ARHGEF7: variants seen among roughly 807,000 people sequenced by gnomAD.
ARHGEF7 encodes the protein PAK-interacting exchange factor beta.
A neutral mutation model predicts 109.8 loss-of-function variants in ARHGEF7; 33 were observed. The observed-to-expected ratio is 0.30, with a 90% CI of 0.23 to 0.40. The LOEUF (loss-of-function observed/expected upper bound fraction) is 0.40, where lower values mean the gene tolerates loss of function less well. Ranked by LOEUF, ARHGEF7 falls within the 10% of genes least tolerant of loss-of-function variation. The pLI is 1.00. For missense variants in ARHGEF7, 938 were observed against 1,098.5 expected, an observed-to-expected ratio of 0.85 and a Z score of 2.07; for synonymous variants, 458 against 424.6, an observed-to-expected ratio of 1.08 and a Z score of -0.97.
At chr13:111,178,728 T>G (rs1011968296) in intron 2 of ARHGEF7, among the ~76,000 whole-genome samples, 5 of 152,208 alleles carry the variant, frequency 3.3e-5, no homozygotes, top group African/African-American at 1.2e-4. Context: ...AGCCACACTT[T>G]TCTCTAACTG....
chr13:111,221,752 C>T (rs893931410), intron 5 of ARHGEF7, among the ~76,000 whole-genome samples: 5 of 150,310 alleles, frequency 3.3e-5, no homozygotes, highest in African/African-American at 9.8e-5. Context: ...ATTATTAGTT[C>T]TGTCCCTCTA....
chr13:111,287,790 A>AC (rs766158169), intron 17 of ARHGEF7, among the ~76,000 whole-genome samples: 1 of 152,204 alleles, frequency 6.6e-6, no homozygotes, highest in African/African-American at 2.4e-5. Context: ...GTAGCACAGC[A>AC]CCCTGAGCAG....
rs529765576 is a variant in ARHGEF7, at chr13:111,149,120, C to A, written c.166-4785C>A. Reference sequence around the variant, plus strand: ...AGCCCTATACATTTCATTAAAAAAACCATTTCTGTCCGGGTGCGATGGCTC... The same window carrying A: ...AGCCCTATACATTTCATTAAAAAAAACATTTCTGTCCGGGTGCGATGGCTC... On this transcript the variant is annotated intron_variant, in intron 1 of 21. Transcript: ENST00000646102. 1.8e-4 allele frequency among the ~76,000 whole-genome samples: 28 copies of A among 151,906 alleles called. No homozygotes were observed. The South Asian group carries it at 4.4e-3, about 24-fold the overall frequency.
At chr13:111,180,550 C>T (rs939387351) in intron 2 of ARHGEF7, among the ~76,000 whole-genome samples, 1 of 152,186 alleles carries the variant, frequency 6.6e-6, no homozygotes, top group Admixed American at 6.5e-5. Flanking sequence ...GTACCAGAAG[C>T]CCCAGAAGGC....
intron 8 of ARHGEF7, among the ~76,000 whole-genome samples, chr13:111,245,845 C>CA (rs1342651214): frequency 6.6e-6 from 1 of 152,042 alleles, no homozygotes; most frequent in Non-Finnish European, 1.5e-5. Flanking sequence ...AAGTCGTTAG[C>CA]AAAAAAACCA....
chr13:111,173,870 GT>G (rs2077839887), intron 2 of ARHGEF7, among the ~76,000 whole-genome samples: 1 of 152,300 alleles, frequency 6.6e-6, no homozygotes, highest in African/African-American at 2.4e-5. Flanking sequence ...GTGTCATTCA[GT>G]TTTATCAGGC....
chr13:111,224,920 A>G (rs1380488405), intron 5 of ARHGEF7, among the ~76,000 whole-genome samples: 1 of 152,170 alleles, frequency 6.6e-6, no homozygotes, highest in Non-Finnish European at 1.5e-5. Flanking sequence ...TCTCAGCACT[A>G]TTGTTTCAAG....
intron 6 of ARHGEF7, among the ~76,000 whole-genome samples, chr13:111,235,163 T>G (rs1234488527): frequency 6.6e-6 from 1 of 152,216 alleles, no homozygotes; most frequent in Non-Finnish European, 1.5e-5. Flanking sequence ...TGTGTTACCT[T>G]CTGTTATGGT....
chr13:111,143,449 G>T (rs2075442874), intron 1 of ARHGEF7: 1 of 152,224 alleles, frequency 6.6e-6, no homozygotes, highest in Non-Finnish European at 1.5e-5. Flanking sequence ...AGTGGGAGAG[G>T]GAACATGCCA....
At chr13:111,245,245 CCAGA>C in intron 8 of ARHGEF7, among the ~76,000 whole-genome samples, 1 of 152,092 alleles carries the variant, frequency 6.6e-6, no homozygotes, top group Non-Finnish European at 1.5e-5. Context: ...GCACAGACCA[CCAGA>C]CAGTGACCAG....
intron 17 of ARHGEF7, among the ~76,000 whole-genome samples, chr13:111,286,542 C>T (rs2296352): frequency 0.84 from 127,320 of 152,080 alleles, 53,851 homozygotes; most frequent in East Asian, 0.91. Context: ...TTCTCCCTCT[C>T]GCCTATAAGA....
chr13:111,123,864 C>CCCA lies in ARHGEF7; in HGVS notation c.165+8175_165+8176insACC, dbSNP rs1555339508. 3.1e-4 allele frequency among the ~76,000 whole-genome samples: 10 copies of CCCA among 32,776 alleles called. 1 individual carries two copies. The highest frequency in any genetic ancestry group is 5.1e-4 in the Non-Finnish European group (7 of 13,672). 21.5% of individuals were successfully genotyped at this position (32,776 alleles called of 152,430 possible). ...GCCATCGTTGGCTGGTGGGCTGCGC[C>CCCA]CCCCCCCCCCGGCCCCGCCCCCTGC... On this transcript the variant is annotated intron_variant, in intron 1 of 21. Coordinates refer to ENST00000646102, the MANE Select transcript of ARHGEF7 (RefSeq NM_001354046.2).
chr13:111,301,380 GTCC>G (rs2093563089), intron 20 of ARHGEF7, 95 bp from the exon 21 acceptor site: 2 of 1,005,884 alleles, frequency 2.0e-6, no homozygotes, highest in African/African-American at 3.2e-5. Flanking sequence ...GCAGCTCCGT[GTCC>G]TCCTCTCAGC....
At chr13:111,165,317 G>C (rs1025758577) in intron 2 of ARHGEF7, among the ~76,000 whole-genome samples, 3 of 152,182 alleles carry the variant, frequency 2.0e-5, no homozygotes, top group African/African-American at 7.2e-5. Context: ...TCCCTTAGTA[G>C]ATGTTCATGC....
At chr13:111,192,674 C>T (rs1047707080) in intron 2 of ARHGEF7, among the ~76,000 whole-genome samples, 29 of 152,166 alleles carry the variant, frequency 1.9e-4, no homozygotes, top group Non-Finnish European at 7.3e-5. Flanking sequence ...AGGATTGTGG[C>T]CTCCAGGCGC....
chr13:111,114,877 C>G (rs831140), upstream of ARHGEF7: 1 of 152,240 alleles, frequency 6.6e-6, no homozygotes, highest in Non-Finnish European at 1.5e-5. Flanking sequence ...TGCAAGGTAG[C>G]AAAGCGAAAC....
At position 111,272,296 on chromosome 13, in the gene ARHGEF7, T is replaced by C. The variant is rs1349024649; in HGVS notation, c.1074-1518T>C. 6.6e-6 allele frequency among the ~76,000 whole-genome samples: 1 copy of C among 152,212 alleles called. No homozygotes were observed. Among genetic ancestry groups the C allele is most frequent in the Non-Finnish European group, 1.5e-5 (1 of 68,028 alleles). On this transcript the variant is annotated intron_variant, in intron 9 of 21. Coordinates refer to ENST00000646102, the MANE Select transcript of ARHGEF7 (RefSeq NM_001354046.2). This position sits in a 1 kb window ranked among gnomAD's most constrained non-coding sequence, Gnocchi z 5.2. ...TTCACTATTTGTGGACTCAGTTTCCTCTGGGTTAGCCAAAACACTGTCTGT... is the reference window on the plus strand; with the variant it reads ...TTCACTATTTGTGGACTCAGTTTCCCCTGGGTTAGCCAAAACACTGTCTGT...
intron 19 of ARHGEF7, among the ~76,000 whole-genome samples, chr13:111,297,131 T>TA (rs1372740134): frequency 2.0e-5 from 3 of 152,234 alleles, no homozygotes; most frequent in Non-Finnish European, 4.4e-5. Flanking sequence ...GTAGTCAACT[T>TA]ACGTAAACCT....
intron 16 of ARHGEF7, among the ~76,000 whole-genome samples, chr13:111,284,852 T>C (rs1337292749): frequency 6.6e-6 from 1 of 152,220 alleles, no homozygotes; most frequent in Non-Finnish European, 1.5e-5. Flanking sequence ...TGTGACCCTC[T>C]GCGCCTGCAG....
Sources: gnomAD v4.1 joint callset for allele counts (sites outside exome capture counted in the v4.1 genomes callset) on GRCh38, gnomAD v4.1.1 for gene constraint, Gnocchi (gnomAD v3.1) non-coding constraint, MANE v1.5 for transcripts, NCBI Gene and HGNC (gene_info 2026-07-23, HGNC 2026-07-21) for gene names.